Variants in CDS2 observed in about 807,000 individuals in gnomAD.
The protein encoded by CDS2 is phosphatidate cytidylyltransferase 2.
CDS2 carries 47 observed loss-of-function variants against 59.0 expected under a neutral mutation model. That is an observed-to-expected ratio of 0.80 (90% confidence interval 0.63 to 1.02). The LOEUF (loss-of-function observed/expected upper bound fraction) is 1.02. Among genes scored for constraint, CDS2 ranks in the 50% least tolerant of loss-of-function variants. The probability of loss-of-function intolerance (pLI) is 0.00; values close to 1 mark genes in which losing one functional copy is unlikely to be tolerated. For missense variants in CDS2, 356 were observed against 558.9 expected (o/e 0.64, Z 3.66); for synonymous variants, 207 against 206.4 (o/e 1.00, Z -0.02).
At chr20:5,140,755 A>G (rs563258217) in intron 1 of CDS2, among the ~76,000 whole-genome samples, 71 of 152,346 alleles carry the variant, frequency 4.7e-4, no homozygotes, top group African/African-American at 8.4e-4. Flanking sequence ...GTAATCATCA[A>G]TGCTGCTACC....
In CDS2 at chr20:5,184,524, T is replaced by A. The variant is rs559215427; in HGVS notation, c.672-334T>A. 7.2e-5 allele frequency among the ~76,000 whole-genome samples: 11 copies of A among 152,328 alleles called. No individual in the cohort carries two copies. In the East Asian group the frequency reaches 1.9e-3, roughly 27 times the overall value. On this transcript the variant is annotated intron_variant, in intron 7 of 12. Coordinates refer to ENST00000460006, the MANE Select transcript of CDS2 (RefSeq NM_003818.4). The surrounding 1 kb of genome is among the most constrained non-coding windows in gnomAD (Gnocchi z 4.3). ...TTATTTTTGGGAATGGAGATAGGGA[T>A]GGGAGAAAGAAGGAAAACTTTTTGT...
At chr20:5,149,758 G>A (rs560376858) in intron 1 of CDS2, among the ~76,000 whole-genome samples, 33 of 151,350 alleles carry the variant, frequency 2.2e-4, no homozygotes, top group African/African-American at 6.8e-4. Context: ...CTCTTTTGCC[G>A]AGGCTGGAGT....
At chr20:5,127,626 C>T (rs909535465) in intron 1 of CDS2, among the ~76,000 whole-genome samples, 4 of 152,146 alleles carry the variant, frequency 2.6e-5, no homozygotes, top group Non-Finnish European at 5.9e-5. Context: ...ATGTAAATCC[C>T]TTCTTGGGCA....
At chr20:5,143,628 TC>T (rs1310151722) in intron 1 of CDS2, among the ~76,000 whole-genome samples, 1 of 139,802 alleles carries the variant, frequency 7.2e-6, no homozygotes, top group African/African-American at 2.8e-5. Flanking sequence ...TTCTTCTTCT[TC>T]TTTTTTTTTT....
intron 1 of CDS2, among the ~76,000 whole-genome samples, chr20:5,140,539 T>C (rs2090685137): frequency 6.6e-6 from 1 of 152,238 alleles, no homozygotes; most frequent in South Asian, 2.1e-4. Context: ...AAGTTGTGTC[T>C]GTTTTCTCAC....
At chr20:5,144,698 T>C (rs2090725006) in intron 1 of CDS2, among the ~76,000 whole-genome samples, 1 of 152,246 alleles carries the variant, frequency 6.6e-6, no homozygotes, top group Non-Finnish European at 1.5e-5. Flanking sequence ...AGACAAAATG[T>C]ACATTTTTTT....
rs538756751 is a variant in CDS2, at chr20:5,183,031, A to C, written c.589-30A>C. 3 of 1,575,646 alleles carry C rather than the reference A, an allele frequency of 1.9e-6. No homozygotes were observed. The African/African-American group carries it at 4.0e-5, about 21-fold the overall frequency. On this transcript the variant is annotated intron_variant, in intron 6 of 12. Transcript: ENST00000460006. ...GAAGTTACTTTCAAGGTAAACTGGT[A>C]AGTAGTGTTTATTTTTCTTTTTTTT...
intron 6 of CDS2, among the ~76,000 whole-genome samples, chr20:5,182,679 G>T (rs562855265): frequency 1.3e-5 from 2 of 152,328 alleles, no homozygotes; most frequent in African/African-American, 4.8e-5. Context: ...GGACCCTGAG[G>T]TGGGCTCCAG....
At chr20:5,179,869 A>T (rs2091021030) in intron 5 of CDS2, among the ~76,000 whole-genome samples, 1 of 152,236 alleles carries the variant, frequency 6.6e-6, no homozygotes, top group African/African-American at 2.4e-5. Flanking sequence ...GGTTTTTCAT[A>T]GCTACCTTCA....
At chr20:5,132,366 G>A (rs1429873115) in intron 1 of CDS2, among the ~76,000 whole-genome samples, 1 of 152,224 alleles carries the variant, frequency 6.6e-6, no homozygotes, top group Non-Finnish European at 1.5e-5. Flanking sequence ...CTGAAGTGCT[G>A]GGATTACAGG....
Position 5,175,183 on chromosome 20 carries a change from A to T in CDS2, c.195A>T (p.Arg65Ser). 8 of 1,612,874 alleles carry T rather than the reference A, an allele frequency of 5.0e-6. No individual in the cohort carries two copies. The highest frequency in any genetic ancestry group is 6.8e-6 in the Non-Finnish European group (8 of 1,178,870). ...CTCCTTCCCCTGCTCTCTGACCTAGATGGAAGAACTGGTGGGTGAGAGGCA... is the reference window on the plus strand; with the variant it reads ...CTCCTTCCCCTGCTCTCTGACCTAGTTGGAAGAACTGGTGGGTGAGAGGCA... ...LNRALSNLSS[R>S]WKNWWVRGIL... Residue 65 changes from arginine (R) to serine (S), a missense_variant and splice_region_variant, in exon 3 of 13, where the codon AGA becomes AGT. Physicochemically the swap from Arg to Ser is moderately radical, Grantham distance 110. Coordinates refer to ENST00000460006, the MANE Select transcript of CDS2 (RefSeq NM_003818.4).
intron 1 of CDS2, among the ~76,000 whole-genome samples, chr20:5,160,958 A>G (rs1377416163): frequency 6.6e-6 from 1 of 152,182 alleles, no homozygotes; most frequent in East Asian, 1.9e-4. Context: ...TTGTTGATAG[A>G]TACTTGGATT....
intron 1 of CDS2, among the ~76,000 whole-genome samples, chr20:5,164,532 T>C (rs2090899848): frequency 6.6e-6 from 1 of 152,094 alleles, no homozygotes; most frequent in Non-Finnish European, 1.5e-5. Context: ...GAGCCCAGTT[T>C]TGAGATTGCG....
intron 1 of CDS2, among the ~76,000 whole-genome samples, chr20:5,151,512 G>A (rs1304783518): frequency 6.6e-6 from 1 of 152,084 alleles, no homozygotes; most frequent in Non-Finnish European, 1.5e-5. Flanking sequence ...TGTAGTCTCA[G>A]CTACTTGGGA....
Position 5,190,117 on chromosome 20 carries a change from C to T in CDS2, c.1221C>T (p.Ser407=). The T allele has an allele frequency of 6.2e-7, 1 of 1,613,982 alleles. No homozygotes were observed. The highest frequency in any genetic ancestry group is 1.1e-5 in the South Asian group (1 of 91,080). ...TCTGTTCCAGAGGCCCTAACCCAAG[C>T]AAACTGATTCAGCAGTTCCTGACTT... ...IASFIRGPNP[S]KLIQQFLTLR... The change falls in exon 13 of 13, where the codon AGC becomes AGT. Residue 407 remains serine, a synonymous_variant. Coordinates refer to ENST00000460006, the MANE Select transcript of CDS2 (RefSeq NM_003818.4).
intron 9 of CDS2, 126 bp from the exon 10 acceptor site, chr20:5,186,561 G>T: frequency 1.3e-5 from 10 of 784,932 alleles, no homozygotes; most frequent in East Asian, 2.6e-5. Flanking sequence ...ATGAACCTCT[G>T]AGCACATAGC....
chr20:5,136,249 T>C (rs1199075112), intron 1 of CDS2, among the ~76,000 whole-genome samples: 3 of 152,160 alleles, frequency 2.0e-5, no homozygotes, highest in Admixed American at 2.0e-4. Flanking sequence ...ACTGACTTTG[T>C]CTCAAATCTG....
chr20:5,157,462 G>A (rs1600488741), intron 1 of CDS2, among the ~76,000 whole-genome samples: 1 of 152,176 alleles, frequency 6.6e-6, no homozygotes, highest in East Asian at 1.9e-4. Flanking sequence ...TGGCATAGGA[G>A]AGCACTGGAA....
At position 5,166,344 on chromosome 20, in the gene CDS2, A is replaced by G. The variant is rs145967539; in HGVS notation, c.58-7179A>G. ...TTCGGGGAAAGGGTACCATTTGCTA[A>G]GATAAGTCACATAGTAGAAGGAAGA... is the stretch of plus-strand genomic sequence containing the variant. On this transcript the variant is annotated intron_variant, in intron 1 of 12. Coordinates refer to ENST00000460006, the MANE Select transcript of CDS2 (RefSeq NM_003818.4). 5.1e-3 allele frequency among the ~76,000 whole-genome samples: 771 copies of G among 152,262 alleles called. 8 individuals carry two copies. Among genetic ancestry groups the G allele is most frequent in the African/African-American group, 0.018 (749 of 41,570 alleles).
Sources: gnomAD v4.1 joint callset for allele counts (sites outside exome capture counted in the v4.1 genomes callset) on GRCh38, gnomAD v4.1.1 for gene constraint, Gnocchi (gnomAD v3.1) non-coding constraint, MANE v1.5 for transcripts, NCBI Gene and HGNC (gene_info 2026-07-23, HGNC 2026-07-21) for gene names.